CTNNA3: variants seen among roughly 807,000 people sequenced by gnomAD.
The protein encoded by CTNNA3 is catenin alpha-3.
A neutral mutation model predicts 95.7 loss-of-function variants in CTNNA3; 76 were observed. The ratio of observed to expected loss-of-function variants is 0.79; its 90% CI spans 0.66 to 0.96. The LOEUF is 0.96. Ranked by LOEUF, CTNNA3 falls within the 40% of genes least tolerant of loss-of-function variation. The probability of loss-of-function intolerance (pLI) is 0.00; values close to 1 mark genes in which losing one functional copy is unlikely to be tolerated. For synonymous variants in CTNNA3, 431 were observed against 374.4 expected (o/e 1.15, Z -1.74); for missense variants, 1,191 against 1,089.8 (o/e 1.09, Z -1.31).
chr10:65,999,198 A>G lies in CTNNA3; in HGVS notation c.2160-10401T>C, dbSNP rs534814186. 1.5e-4 allele frequency among the ~76,000 whole-genome samples: 23 copies of G among 152,308 alleles called. No individual in the cohort carries two copies. In the South Asian group the frequency reaches 4.8e-3, roughly 32 times the overall value. On this transcript the variant is annotated intron_variant, in intron 15 of 17. Transcript: ENST00000433211. ...ATGTTCAAGTAAGGCATTGCATTTC[A>G]TTATTTCAATGCATCTCTAGAGAAA...
chr10:65,932,798 A>T (rs1263649174), intron 17 of CTNNA3, among the ~76,000 whole-genome samples: 4 of 152,218 alleles, frequency 2.6e-5, no homozygotes, highest in South Asian at 2.1e-4. Flanking sequence ...AAAATTTTTT[A>T]AAAATCCTTC....
chr10:66,151,151 G>C lies in CTNNA3; in HGVS notation c.1885-47902C>G, dbSNP rs976882393. 4.6e-5 allele frequency among the ~76,000 whole-genome samples: 7 copies of C among 151,830 alleles called. No homozygotes were observed. In the East Asian group the frequency reaches 1.4e-3, roughly 29 times the overall value. On this transcript the variant is annotated intron_variant, in intron 13 of 17. Coordinates refer to ENST00000433211, the MANE Select transcript of CTNNA3 (RefSeq NM_013266.4). The stretch of plus-strand genomic sequence containing the variant: ...TAATATAATATGTATTCAATCTAGT[G>C]GCAGAAATAGACAAGAAAAGACTTA...
At chr10:67,385,652 T>C (rs1336790603) in intron 5 of CTNNA3, among the ~76,000 whole-genome samples, 1 of 151,860 alleles carries the variant, frequency 6.6e-6, no homozygotes, top group Non-Finnish European at 1.5e-5. Context: ...CTCTTCACCC[T>C]TTTTTTTCTC....
intron 7 of CTNNA3, among the ~76,000 whole-genome samples, chr10:66,878,810 T>G (rs1844731172): frequency 6.6e-6 from 1 of 152,176 alleles, no homozygotes; most frequent in Non-Finnish European, 1.5e-5. Flanking sequence ...GGACACCTAC[T>G]GCCAAAATTA....
intron 5 of CTNNA3, among the ~76,000 whole-genome samples, chr10:67,248,452 G>T (rs1865986054): frequency 6.6e-6 from 1 of 151,694 alleles, no homozygotes; most frequent in African/African-American, 2.4e-5. Context: ...ATCTCGCTTA[G>T]TCACTAGGCT....
intron 15 of CTNNA3, among the ~76,000 whole-genome samples, chr10:66,034,643 A>T (rs2079524568): frequency 6.6e-6 from 1 of 152,344 alleles, no homozygotes; most frequent in Non-Finnish European, 1.5e-5. Context: ...GATCATTTAT[A>T]AAACTCTAAT....
intron 5 of CTNNA3, among the ~76,000 whole-genome samples, chr10:67,303,040 T>C (rs1307560970): frequency 1.3e-5 from 2 of 152,192 alleles, no homozygotes; most frequent in Non-Finnish European, 2.9e-5. Context: ...TTAGAAATCC[T>C]GGGAGTGAGG....
In CTNNA3 at chr10:67,496,593, T is replaced by G. The variant is rs143357827; in HGVS notation, c.579+25249A>C. 1.2e-3 allele frequency among the ~76,000 whole-genome samples: 189 copies of G among 152,290 alleles called. 1 individual carries two copies. The highest frequency in any genetic ancestry group is 4.0e-3 in the African/African-American group (167 of 41,558). On this transcript the variant is annotated intron_variant, in intron 5 of 17. Transcript: ENST00000433211. ...GTTTTAAAGAATGATTAAGAAGGATTTCATATAGGTAACTGAATATGAAAT... is the reference window on the plus strand; with the variant it reads ...GTTTTAAAGAATGATTAAGAAGGATGTCATATAGGTAACTGAATATGAAAT...
At chr10:67,542,945 G>A (rs1360622882) in intron 3 of CTNNA3, among the ~76,000 whole-genome samples, 1 of 152,028 alleles carries the variant, frequency 6.6e-6, no homozygotes, top group Non-Finnish European at 1.5e-5. Flanking sequence ...CATGTGGAGA[G>A]TCTACTCTTT....
chr10:65,938,970 T>A (rs1048929931), intron 17 of CTNNA3, among the ~76,000 whole-genome samples: 3 of 152,080 alleles, frequency 2.0e-5, no homozygotes, highest in Admixed American at 1.3e-4. Flanking sequence ...TGGCGCGATC[T>A]CGGCTCACTG....
At chr10:67,105,447 T>C (rs1183482518) in intron 7 of CTNNA3, among the ~76,000 whole-genome samples, 1 of 152,152 alleles carries the variant, frequency 6.6e-6, no homozygotes, top group African/African-American at 2.4e-5. Flanking sequence ...TTCAACCATA[T>C]GAGTAATTAC....
At chr10:67,441,140 T>G (rs1168385010) in intron 5 of CTNNA3, among the ~76,000 whole-genome samples, 2 of 150,848 alleles carry the variant, frequency 1.3e-5, no homozygotes, top group Non-Finnish European at 3.0e-5. Flanking sequence ...AATTCTGGAG[T>G]TAAAAAATGC....
At chr10:66,122,752 C>T (rs189061170) in intron 13 of CTNNA3, among the ~76,000 whole-genome samples, 2 of 152,258 alleles carry the variant, frequency 1.3e-5, no homozygotes, top group East Asian at 3.9e-4. Flanking sequence ...TAGCAGAAGG[C>T]AATGAGAAGC....
intron 13 of CTNNA3, among the ~76,000 whole-genome samples, chr10:66,229,029 A>T (rs1174751869): frequency 6.6e-6 from 1 of 152,154 alleles, no homozygotes; most frequent in African/African-American, 2.4e-5. Context: ...GTGTATTTCC[A>T]GGTAAAGTGA....
chr10:67,208,929 T>A (rs1864020878), intron 6 of CTNNA3, among the ~76,000 whole-genome samples: 1 of 151,718 alleles, frequency 6.6e-6, no homozygotes, highest in African/African-American at 2.4e-5. Flanking sequence ...TGAATCAGAG[T>A]AGACACTATT....
At chr10:66,168,965 A>G (rs1457804202) in intron 13 of CTNNA3, among the ~76,000 whole-genome samples, 1 of 152,188 alleles carries the variant, frequency 6.6e-6, no homozygotes, top group Non-Finnish European at 1.5e-5. Context: ...CTAATTGCTT[A>G]GAAATTACTT....
Position 66,060,833 on chromosome 10 carries a change from T to A in CTNNA3, c.2159+8475A>T, listed in dbSNP as rs371465603. Among the ~76,000 whole-genome samples the A allele has an allele frequency of 2.0e-3, 306 of 152,086 alleles. 1 individual carries two copies. The highest frequency in any genetic ancestry group is 6.7e-3 in the African/African-American group (280 of 41,512). Reference sequence around the variant, plus strand: ...GGGGTACATTTTATGAACAACAGGGTGATTAAATGAATGTGTGAATACTCA... The same window carrying A: ...GGGGTACATTTTATGAACAACAGGGAGATTAAATGAATGTGTGAATACTCA... On this transcript the variant is annotated intron_variant, in intron 15 of 17. Transcript: ENST00000433211.
intron 5 of CTNNA3, among the ~76,000 whole-genome samples, chr10:67,281,710 G>A (rs944345734): frequency 1.7e-4 from 26 of 151,968 alleles, no homozygotes; most frequent in Non-Finnish European, 3.2e-4. Context: ...AATGTCTAAT[G>A]GGACAATCAC....
chr10:67,513,588 C>A (rs1839710856), intron 5 of CTNNA3, among the ~76,000 whole-genome samples: 5 of 152,188 alleles, frequency 3.3e-5, no homozygotes, highest in Admixed American at 3.3e-4. Flanking sequence ...AGGAAATGCT[C>A]CTCAAGACAC....
Sources: allele counts gnomAD v4.1 joint callset (sites outside exome capture counted in the v4.1 genomes callset), GRCh38; gene constraint gnomAD v4.1.1; transcripts MANE v1.5; gene names NCBI Gene and HGNC (gene_info 2026-07-23, HGNC 2026-07-21).